The following MAML2 variants were observed in gnomAD, a reference collection of about 807,000 sequenced individuals.
MAML2 encodes mastermind like transcriptional coactivator 2, also known as mastermind-like protein 2.
MAML2 carries 22 observed loss-of-function variants against 96.1 expected under a neutral mutation model. The observed-to-expected ratio is 0.23, with a 90% CI of 0.16 to 0.33. The LOEUF (loss-of-function observed/expected upper bound fraction) is 0.33, where lower values mean the gene tolerates loss of function less well. MAML2 is among the 10% of genes least tolerant of loss of function. The pLI, the probability that MAML2 is intolerant of heterozygous loss-of-function variation, is 1.00. For synonymous variants in MAML2, 561 were observed against 521.3 expected, an observed-to-expected ratio of 1.08 and a Z score of -1.04; for missense variants, 1,367 against 1,392.4, an observed-to-expected ratio of 0.98 and a Z score of 0.29.
In MAML2 at chr11:96,341,555, G is replaced by T. The variant is rs199840764; in HGVS notation, c.341C>A (p.Ala114Glu). 1.3e-6 allele frequency: 2 copies of T among 1,550,890 alleles called. No individual in the cohort carries two copies. The highest frequency in any genetic ancestry group is 1.7e-6 in the Non-Finnish European group (2 of 1,146,898). Reference sequence around the variant, plus strand: ...TGCTGTTGCTGCTGCTTGGGAGGCCGCAGGAGGGGCAGCAGGGGGCGGTGG... The same window carrying T: ...TGCTGTTGCTGCTGCTTGGGAGGCCTCAGGAGGGGCAGCAGGGGGCGGTGG... Reference protein sequence around the residue: ...APPPPPAAPPAASQAAATAAP... With the variant: ...APPPPPAAPPEASQAAATAAP... The change falls in exon 1 of 5, where the codon GCG becomes GAG. Residue 114 changes from alanine to glutamate, a missense_variant. Coordinates refer to ENST00000524717, the MANE Select transcript of MAML2 (RefSeq NM_032427.4).
At chr11:96,191,734 T>C (rs2135921879) in intron 1 of MAML2, among the ~76,000 whole-genome samples, 1 of 139,306 alleles carries the variant, frequency 7.2e-6, no homozygotes, top group Non-Finnish European at 1.5e-5. Flanking sequence ...ATCACACCAC[T>C]ACACTCCAGC....
intron 2 of MAML2, among the ~76,000 whole-genome samples, chr11:96,007,844 G>A (rs1362791705): frequency 7.1e-6 from 1 of 140,530 alleles, no homozygotes; most frequent in African/African-American, 2.6e-5. Context: ...CATGGTCACA[G>A]GAAGGGGAAT....
At chr11:96,070,655 C>G (rs1484071676) in intron 2 of MAML2, among the ~76,000 whole-genome samples, 1 of 152,272 alleles carries the variant, frequency 6.6e-6, no homozygotes, top group African/African-American at 2.4e-5. Context: ...TTCACACACC[C>G]TTTTCTGCTC....
chr11:95,980,187 C>T (rs1232803719), intron 4 of MAML2, among the ~76,000 whole-genome samples: 1 of 152,130 alleles, frequency 6.6e-6, no homozygotes, highest in African/African-American at 2.4e-5. Context: ...AAAAAGAAGA[C>T]TAAAATAGAA....
At chr11:96,250,110 G>C (rs1485487338) in intron 1 of MAML2, among the ~76,000 whole-genome samples, 1 of 152,064 alleles carries the variant, frequency 6.6e-6, no homozygotes, top group Non-Finnish European at 1.5e-5. Context: ...GGCCCGCTCT[G>C]CATGAAATTA....
intron 1 of MAML2, among the ~76,000 whole-genome samples, chr11:96,115,349 G>C (rs925523882): frequency 6.6e-6 from 1 of 151,670 alleles, no homozygotes; most frequent in African/African-American, 2.4e-5. Flanking sequence ...TTATTTTTTG[G>C]TAGAGATGGG....
At chr11:96,129,194 C>A (rs1418488534) in intron 1 of MAML2, among the ~76,000 whole-genome samples, 1 of 152,178 alleles carries the variant, frequency 6.6e-6, no homozygotes, top group East Asian at 1.9e-4. Context: ...AAAAATGGCA[C>A]CCCACCTTGA....
At chr11:96,148,667 C>CACAA (rs1860862364) in intron 1 of MAML2, among the ~76,000 whole-genome samples, 1 of 101,332 alleles carries the variant, frequency 9.9e-6, no homozygotes, top group African/African-American at 4.7e-5. Flanking sequence ...AATACACACA[C>CACAA]ACACACACAC....
chr11:96,011,659 C>G (rs574846119), intron 2 of MAML2, among the ~76,000 whole-genome samples: 1 of 152,242 alleles, frequency 6.6e-6, no homozygotes, highest in South Asian at 2.1e-4. Context: ...GAAGCCCAAA[C>G]CTCATCATCA....
At chr11:96,331,859 A>T (rs1315766172) in intron 1 of MAML2, among the ~76,000 whole-genome samples, 1 of 151,996 alleles carries the variant, frequency 6.6e-6, no homozygotes, top group African/African-American at 2.4e-5. Flanking sequence ...ATTTACGAAA[A>T]GAGGATTTGG....
chr11:96,120,083 G>A (rs1482944933), intron 1 of MAML2, among the ~76,000 whole-genome samples: 3 of 150,684 alleles, frequency 2.0e-5, no homozygotes, highest in South Asian at 2.1e-4. Flanking sequence ...TCAGCCTCCC[G>A]AGTAGCTGGG....
At chr11:96,320,966 G>A (rs896840220) in intron 1 of MAML2, among the ~76,000 whole-genome samples, 1 of 152,106 alleles carries the variant, frequency 6.6e-6, no homozygotes, top group Non-Finnish European at 1.5e-5. Context: ...TATCTGCCTC[G>A]GATATGGGGT....
At chr11:96,091,842 A>G in intron 2 of MAML2, 50 bp downstream of exon 2, 1 of 1,569,298 alleles carries the variant, frequency 6.4e-7, no homozygotes, top group Non-Finnish European at 8.6e-7. Context: ...CATAAAGATC[A>G]AGCTAAATGG....
chr11:96,181,733 C>G lies in MAML2; in HGVS notation c.514-88216G>C, dbSNP rs569170420. ...AATGCTGATGGCCATCAGTGACCAT[C>G]ATATCCCAAACTGAAAAGATACTGA... On this transcript the variant is annotated intron_variant, in intron 1 of 4. Coordinates refer to ENST00000524717, the MANE Select transcript of MAML2 (RefSeq NM_032427.4). Among the ~76,000 whole-genome samples, 55 of 116,854 alleles carry G rather than the reference C, an allele frequency of 4.7e-4. No individual in the cohort carries two copies. The South Asian group carries it at 7.4e-3, about 16-fold the overall frequency. The allele number at this position is 116,854 out of a possible 152,430, so 76.7% of individuals were successfully genotyped here. A position where few individuals can be genotyped will look rare whatever the true frequency, so the allele number is the denominator to read the frequency against.
At chr11:96,094,096 TC>T (rs143931936) in intron 1 of MAML2, among the ~76,000 whole-genome samples, 26,656 of 152,206 alleles carry the variant, frequency 0.18, 2,503 homozygotes, top group Middle Eastern at 0.25. Flanking sequence ...CATCTACTTT[TC>T]TTCCTATAAT....
chr11:96,321,947 G>A (rs1863708018), intron 1 of MAML2, among the ~76,000 whole-genome samples: 1 of 152,100 alleles, frequency 6.6e-6, no homozygotes, highest in Non-Finnish European at 1.5e-5. Context: ...TGAAGGCCGA[G>A]TTTTTTGTTG....
intron 1 of MAML2, among the ~76,000 whole-genome samples, chr11:96,206,903 A>G (rs906307586): frequency 6.6e-6 from 1 of 152,134 alleles, no homozygotes; most frequent in Non-Finnish European, 1.5e-5. Context: ...TTTTAAAAAT[A>G]TCATGTTTGG....
At chr11:96,010,641 A>G (rs1326968367) in intron 2 of MAML2, among the ~76,000 whole-genome samples, 2 of 152,236 alleles carry the variant, frequency 1.3e-5, no homozygotes, top group African/African-American at 2.4e-5. Flanking sequence ...GACACATAGT[A>G]TTTTGAACCA....
chr11:95,998,118 A>ATCTGTCTG (rs1176144247), intron 2 of MAML2, among the ~76,000 whole-genome samples: 3 of 125,480 alleles, frequency 2.4e-5, no homozygotes, highest in African/African-American at 9.3e-5. Flanking sequence ...CCACTTTTCT[A>ATCTGTCTG]TCTATCTGTC....
Sources: gnomAD v4.1 joint callset for allele counts (sites outside exome capture counted in the v4.1 genomes callset) on GRCh38, gnomAD v4.1.1 for gene constraint, MANE v1.5 for transcripts, NCBI Gene and HGNC (gene_info 2026-07-23, HGNC 2026-07-21) for gene names.